Variants in TMEFF2 observed in about 807,000 individuals in gnomAD.
TMEFF2 encodes the protein tomoregulin-2.
TMEFF2 carries 28 observed loss-of-function variants against 53.8 expected under a neutral mutation model. The observed-to-expected ratio is 0.52, with a 90% CI of 0.39 to 0.71. The LOEUF is 0.71. Among genes scored for constraint, TMEFF2 ranks in the 30% least tolerant of loss-of-function variants. The probability of loss-of-function intolerance (pLI) is 0.00; values close to 1 mark genes in which losing one functional copy is unlikely to be tolerated. For synonymous variants in TMEFF2, 162 were observed against 166.3 expected (o/e 0.97, Z 0.20); for missense variants, 353 against 455.2 (o/e 0.78, Z 2.04).
chr2:192,149,946 C>A (rs968444742), intron 4 of TMEFF2, among the ~76,000 whole-genome samples: 2 of 151,882 alleles, frequency 1.3e-5, no homozygotes, highest in Non-Finnish European at 2.9e-5. Context: ...TTATTAAGTG[C>A]AACTTCTATC....
chr2:191,960,858 T>G (rs1032660879), intron 7 of TMEFF2, among the ~76,000 whole-genome samples: 2 of 152,172 alleles, frequency 1.3e-5, no homozygotes, highest in African/African-American at 4.8e-5. Context: ...CTTCTGGTGG[T>G]ATTGAAAGGA....
intron 7 of TMEFF2, among the ~76,000 whole-genome samples, chr2:191,993,225 T>TTAATGTGGAAAAACG (rs1377007433): frequency 2.0e-5 from 3 of 152,070 alleles, no homozygotes; most frequent in Admixed American, 6.6e-5. Flanking sequence ...TCAGCTTCCT[T>TTAATGTGGAAAAACG]TAATGTGGAA....
intron 4 of TMEFF2, among the ~76,000 whole-genome samples, chr2:192,113,234 T>C (rs1418492868): frequency 6.6e-6 from 1 of 152,194 alleles, no homozygotes; most frequent in Non-Finnish European, 1.5e-5. Context: ...GAGAAGATTA[T>C]GTCAGTTGTA....
intron 4 of TMEFF2, among the ~76,000 whole-genome samples, chr2:192,110,878 T>C (rs1189268921): frequency 6.6e-6 from 1 of 152,192 alleles, no homozygotes; most frequent in Admixed American, 6.5e-5. Context: ...CCATATACTG[T>C]TCTCATGGTA....
chr2:192,109,561 T>C (rs1689227516), intron 4 of TMEFF2, among the ~76,000 whole-genome samples: 1 of 152,212 alleles, frequency 6.6e-6, no homozygotes, highest in Middle Eastern at 3.4e-3. Context: ...ATCTCTGTTA[T>C]AGATAAGATA....
At chr2:192,175,373 T>C (rs893649904) in intron 4 of TMEFF2, among the ~76,000 whole-genome samples, 5 of 151,700 alleles carry the variant, frequency 3.3e-5, no homozygotes, top group Admixed American at 1.3e-4. Flanking sequence ...AATATGTATA[T>C]GAAGCAAATG....
intron 4 of TMEFF2, among the ~76,000 whole-genome samples, chr2:192,083,677 G>C (rs1269999497): frequency 1.3e-5 from 2 of 150,936 alleles, no homozygotes; most frequent in East Asian, 3.9e-4. Flanking sequence ...CTTTCAAAAC[G>C]CATGTGGTAG....
Position 192,136,198 on chromosome 2 carries a change from A to C in TMEFF2, c.439+43470T>G, listed in dbSNP as rs148111980. Among the ~76,000 whole-genome samples the C allele has an allele frequency of 6.2e-3, 943 of 152,322 alleles. 14 individuals carry two copies. Among genetic ancestry groups the C allele is most frequent in the African/African-American group, 0.022 (898 of 41,564 alleles). On this transcript the variant is annotated intron_variant, in intron 4 of 9. Coordinates refer to ENST00000272771, the MANE Select transcript of TMEFF2 (RefSeq NM_016192.4). ...ACCTATTAATTCAGCAGTTATTATA[A>C]TCCATCTTTAATTGGATTAGCTATA...
intron 4 of TMEFF2, among the ~76,000 whole-genome samples, chr2:192,073,413 G>A (rs897932839): frequency 2.0e-5 from 3 of 151,682 alleles, no homozygotes; most frequent in African/African-American, 7.3e-5. Context: ...TAGTGCAGCT[G>A]GGAATGATTT....
intron 3 of TMEFF2, among the ~76,000 whole-genome samples, 177 bp from the exon 4 acceptor site, chr2:192,179,871 C>T (rs1691143723): frequency 6.6e-6 from 1 of 151,464 alleles, no homozygotes; most frequent in Admixed American, 6.6e-5. Flanking sequence ...ATTAATGTAA[C>T]TTCTATAATA....
At chr2:192,187,209 A>G (rs920782005) in intron 2 of TMEFF2, among the ~76,000 whole-genome samples, 5 of 152,182 alleles carry the variant, frequency 3.3e-5, no homozygotes, top group Admixed American at 3.3e-4. Flanking sequence ...CCTTTTGTAT[A>G]TTAGTTAACA....
At chr2:192,042,989 A>G (rs1049121353) in intron 5 of TMEFF2, among the ~76,000 whole-genome samples, 2 of 152,180 alleles carry the variant, frequency 1.3e-5, no homozygotes, top group East Asian at 3.9e-4. Context: ...TTAAATGGGA[A>G]TAGCAGTTAC....
intron 5 of TMEFF2, among the ~76,000 whole-genome samples, chr2:192,005,294 T>C (rs1686473491): frequency 6.6e-6 from 1 of 152,160 alleles, no homozygotes; most frequent in Non-Finnish European, 1.5e-5. Flanking sequence ...GGTTTGACAT[T>C]AATTTAATTC....
intron 4 of TMEFF2, among the ~76,000 whole-genome samples, chr2:192,108,059 C>A (rs1204628808): frequency 6.6e-6 from 1 of 151,418 alleles, no homozygotes; most frequent in Non-Finnish European, 1.5e-5. Flanking sequence ...AAAAGTGTAA[C>A]CAGATAGCTA....
intron 4 of TMEFF2, among the ~76,000 whole-genome samples, chr2:192,139,119 GT>G (rs1690077791): frequency 6.6e-6 from 1 of 152,136 alleles, no homozygotes. Context: ...TATAACCAAG[GT>G]TGAATACAAA....
At position 192,173,334 on chromosome 2, in the gene TMEFF2, C is replaced by T. The variant is rs369825084; in HGVS notation, c.439+6334G>A. 4.0e-5 allele frequency among the ~76,000 whole-genome samples: 6 copies of T among 151,848 alleles called. No homozygotes were observed. The East Asian group carries it at 7.8e-4, about 20-fold the overall frequency. On this transcript the variant is annotated intron_variant, in intron 4 of 9. Transcript: ENST00000272771. Reference sequence around the variant, plus strand: ...ATAATAGTGCTTTCTATAAACTATACAGCATTTTATAAATCATTATACATG... The same window carrying T: ...ATAATAGTGCTTTCTATAAACTATATAGCATTTTATAAATCATTATACATG...
intron 7 of TMEFF2, among the ~76,000 whole-genome samples, chr2:191,961,325 ATCTTT>A (rs1175327002): frequency 6.6e-6 from 1 of 152,146 alleles, no homozygotes; most frequent in Non-Finnish European, 1.5e-5. Flanking sequence ...TTGGTTTATT[ATCTTT>A]TCAACTATCT....
chr2:192,194,160 T>A lies in TMEFF2; in HGVS notation c.172+193A>T, dbSNP rs1211113344. 2.6e-5 allele frequency among the ~76,000 whole-genome samples: 4 copies of A among 152,204 alleles called. No individual in the cohort carries two copies. The highest frequency in any genetic ancestry group is 4.2e-4 in the South Asian group (2 of 4,816). On this transcript the variant is annotated intron_variant, in intron 1 of 9. Transcript: ENST00000272771. The surrounding 1 kb of genome is among the most constrained non-coding windows in gnomAD (Gnocchi z 4.2). ...CTGCTACACCTGCACTTTCTGCCCA[T>A]CCCAGAACCACCCCTCACCCCCGGG...
intron 7 of TMEFF2, among the ~76,000 whole-genome samples, chr2:191,981,209 CACTT>C (rs1335589855): frequency 1.3e-5 from 2 of 152,198 alleles, no homozygotes; most frequent in Non-Finnish European, 2.9e-5. Context: ...CTACTACTCT[CACTT>C]AGCTCCAGTT....
Sources: gnomAD v4.1 joint callset for allele counts (sites outside exome capture counted in the v4.1 genomes callset) on GRCh38, gnomAD v4.1.1 for gene constraint, Gnocchi (gnomAD v3.1) non-coding constraint, MANE v1.5 for transcripts, NCBI Gene and HGNC (gene_info 2026-07-23, HGNC 2026-07-21) for gene names.